The following RORA variants were observed in gnomAD, a reference collection of about 807,000 sequenced individuals.
The protein encoded by RORA is nuclear receptor ROR-alpha.
In RORA, 7 loss-of-function variants were observed where a neutral mutation model predicts 69.5. The observed-to-expected ratio is 0.10, with a 90% CI of 0.06 to 0.19. The LOEUF (loss-of-function observed/expected upper bound fraction) is 0.19. RORA is among the 10% of genes least tolerant of loss of function. The pLI is 1.00. For missense variants in RORA, 457 were observed against 663.0 expected, an observed-to-expected ratio of 0.69 and a Z score of 3.41; for synonymous variants, 261 against 240.8, an observed-to-expected ratio of 1.08 and a Z score of -0.78.
chr15:61,003,002 G>A (rs1328216907), intron 1 of RORA, among the ~76,000 whole-genome samples: 1 of 148,092 alleles, frequency 6.8e-6, no homozygotes, highest in East Asian at 2.0e-4. Flanking sequence ...AAATTAGCCA[G>A]GTGTGGTGGC....
intron 1 of RORA, among the ~76,000 whole-genome samples, chr15:60,876,320 G>A (rs917068250): frequency 2.0e-5 from 3 of 150,402 alleles, no homozygotes; most frequent in Non-Finnish European, 4.5e-5. Flanking sequence ...GTGGGGGGGG[G>A]GGGGGGCGGC....
At chr15:60,519,827 T>TAAAC (rs60817920) in intron 3 of RORA, 24,695 of 151,708 alleles carry the variant, frequency 0.16, 2,068 homozygotes, top group South Asian at 0.26. Flanking sequence ...CTAGCTCATT[T>TAAAC]AAACAAACAA....
chr15:60,679,318 C>G lies in RORA; in HGVS notation c.167-632G>C, dbSNP rs563307533. ...GAATGAAATGTATGAACACAAACTACGAAAACACGAGCGATTCATGAGTCA... is the reference window on the plus strand; with the variant it reads ...GAATGAAATGTATGAACACAAACTAGGAAAACACGAGCGATTCATGAGTCA... On this transcript the variant is annotated intron_variant, in intron 1 of 10. Coordinates refer to ENST00000335670, the MANE Select transcript of RORA (RefSeq NM_134261.3). 2.0e-5 allele frequency among the ~76,000 whole-genome samples: 3 copies of G among 152,226 alleles called. No homozygotes were observed. The South Asian group carries it at 6.2e-4, about 32-fold the overall frequency.
intron 1 of RORA, among the ~76,000 whole-genome samples, chr15:60,699,031 T>C (rs2070945782): frequency 6.6e-6 from 1 of 152,130 alleles, no homozygotes; most frequent in African/African-American, 2.4e-5. Flanking sequence ...ATGTTGCTTG[T>C]CTCCCCAGTT....
At chr15:60,564,036 A>G (rs541586123) in intron 2 of RORA, among the ~76,000 whole-genome samples, 2 of 152,258 alleles carry the variant, frequency 1.3e-5, no homozygotes, top group South Asian at 4.1e-4. Flanking sequence ...TCATTTTATT[A>G]GGATATGAAT....
In RORA at chr15:60,858,562, G is replaced by A. The variant is rs549836759; in HGVS notation, c.167-179876C>T. 1.5e-3 allele frequency among the ~76,000 whole-genome samples: 228 copies of A among 152,152 alleles called. 1 individual carries two copies. The highest frequency in any genetic ancestry group is 1.9e-3 in the Non-Finnish European group (126 of 68,016). Reference sequence around the variant, plus strand: ...TCAATGCCAAAGGGTCTCATTTCTGGGTGGGAGGGACAGCGGGGATGGGGT... The same window carrying A: ...TCAATGCCAAAGGGTCTCATTTCTGAGTGGGAGGGACAGCGGGGATGGGGT... On this transcript the variant is annotated intron_variant, in intron 1 of 10. Transcript: ENST00000335670.
intron 1 of RORA, among the ~76,000 whole-genome samples, chr15:60,765,778 A>G (rs117496737): frequency 0.035 from 5,296 of 152,180 alleles, 127 homozygotes; most frequent in Non-Finnish European, 0.051. Context: ...TTTCCATCGC[A>G]TGATTTCACC....
intron 1 of RORA, among the ~76,000 whole-genome samples, chr15:61,139,855 A>C (rs2079281981): frequency 6.6e-6 from 1 of 152,222 alleles, no homozygotes; most frequent in African/African-American, 2.4e-5. Context: ...TTGTAGCTTC[A>C]TTTTCTGAAA....
intron 2 of RORA, among the ~76,000 whole-genome samples, chr15:60,621,721 A>T (rs1374652404): frequency 6.7e-6 from 1 of 150,322 alleles, no homozygotes; most frequent in African/African-American, 2.5e-5. Context: ...GAAGAGAAAG[A>T]CTATGTTCCT....
chr15:60,931,452 G>A (rs529033516), intron 1 of RORA, among the ~76,000 whole-genome samples: 11 of 152,358 alleles, frequency 7.2e-5, no homozygotes, highest in African/African-American at 1.9e-4. Flanking sequence ...CCTGGCTTCA[G>A]CTTCCAGAGC....
intron 1 of RORA, among the ~76,000 whole-genome samples, chr15:61,161,043 T>C (rs2079490947): frequency 1.3e-5 from 2 of 151,960 alleles, no homozygotes; most frequent in South Asian, 2.1e-4. Flanking sequence ...TTGGGTGCAT[T>C]TGGGAGGCGG....
intron 1 of RORA, among the ~76,000 whole-genome samples, chr15:60,820,712 C>A (rs2072882560): frequency 6.6e-6 from 1 of 152,170 alleles, no homozygotes; most frequent in African/African-American, 2.4e-5. Flanking sequence ...TTCCCCTAAA[C>A]CGTAAAAACG....
intron 1 of RORA, among the ~76,000 whole-genome samples, chr15:60,898,565 G>A (rs1395605975): frequency 6.6e-6 from 1 of 151,850 alleles, no homozygotes; most frequent in African/African-American, 2.4e-5. Context: ...CAGGACTGGT[G>A]GTACACACCT....
At chr15:61,145,993 T>C (rs1461379167) in intron 1 of RORA, among the ~76,000 whole-genome samples, 1 of 152,206 alleles carries the variant, frequency 6.6e-6, no homozygotes, top group Non-Finnish European at 1.5e-5. Context: ...ACTTAACTAA[T>C]GAGTTATGAG....
chr15:61,166,744 A>G (rs138883633), intron 1 of RORA, among the ~76,000 whole-genome samples: 488 of 152,228 alleles, frequency 3.2e-3, no homozygotes, highest in Non-Finnish European at 5.7e-3. Flanking sequence ...GACTCCTAGC[A>G]CAGTGCTCAT....
chr15:60,911,259 A>G (rs1405518117), intron 1 of RORA, among the ~76,000 whole-genome samples: 1 of 151,896 alleles, frequency 6.6e-6, no homozygotes, highest in East Asian at 1.9e-4. Context: ...TTGTAACTAC[A>G]GTAAGCTCCT....
intron 1 of RORA, among the ~76,000 whole-genome samples, chr15:60,943,603 C>T (rs970760892): frequency 6.6e-6 from 1 of 152,004 alleles, no homozygotes; most frequent in African/African-American, 2.4e-5. Context: ...TTAACCTCAG[C>T]CAGCTATTTC....
intron 1 of RORA, among the ~76,000 whole-genome samples, chr15:60,826,952 A>G: frequency 6.6e-6 from 1 of 152,208 alleles, no homozygotes; most frequent in East Asian, 1.9e-4. Flanking sequence ...AACATTTTAG[A>G]ATTAGCAGCA....
At chr15:60,996,943 C>T (rs948459178) in intron 1 of RORA, among the ~76,000 whole-genome samples, 9 of 151,538 alleles carry the variant, frequency 5.9e-5, no homozygotes, top group Non-Finnish European at 1.3e-4. Context: ...AAGAACCTAA[C>T]GTAATTTTTA....
Sources: gnomAD v4.1 joint callset for allele counts (sites outside exome capture counted in the v4.1 genomes callset) on GRCh38, gnomAD v4.1.1 for gene constraint, MANE v1.5 for transcripts, NCBI Gene and HGNC (gene_info 2026-07-23, HGNC 2026-07-21) for gene names.